Variants in MEOX1 observed in about 807,000 individuals in gnomAD.
MEOX1 encodes the protein mesenchyme homeobox 1, also known as homeobox protein MOX-1.
Under a neutral mutation model 23.2 loss-of-function variants are expected in MEOX1, and 17 were observed. The observed-to-expected ratio is 0.73, with a 90% CI of 0.50 to 1.10. The LOEUF (loss-of-function observed/expected upper bound fraction) is 1.10, where lower values mean the gene tolerates loss of function less well. MEOX1 is among the 50% of genes least tolerant of loss of function. The pLI is 0.00. For synonymous variants in MEOX1, 134 were observed against 135.1 expected, an observed-to-expected ratio of 0.99 and a Z score of 0.06; for missense variants, 333 against 332.2, an observed-to-expected ratio of 1.00 and a Z score of -0.02.
chr17:43,657,014 C>CTT (rs1491325573), intron 1 of MEOX1, among the ~76,000 whole-genome samples: 2 of 100,744 alleles, frequency 2.0e-5, no homozygotes, highest in African/African-American at 4.0e-5. Flanking sequence ...CTTTCTTTCT[C>CTT]TTTCTTTCTT....
intron 1 of MEOX1, among the ~76,000 whole-genome samples, chr17:43,652,106 G>A (rs936878579): frequency 1.3e-5 from 2 of 152,144 alleles, no homozygotes; most frequent in African/African-American, 2.4e-5. Context: ...TCAGGAGGCC[G>A]GGGATGCCCA....
intron 1 of MEOX1, among the ~76,000 whole-genome samples, chr17:43,660,094 ACAGGGCAGCACGGGCAGGAGGC>A (rs1020254830): frequency 1.3e-5 from 2 of 152,196 alleles, no homozygotes; most frequent in African/African-American, 4.8e-5. Context: ...CAGGAGGAAA[ACAGGGCAGCACGGGCAGGAGGC>A]TTGGTCACTG....
chr17:43,661,688 C>A lies in MEOX1; in HGVS notation c.-154G>T. The A allele has an allele frequency of 1.9e-6, 1 of 537,330 alleles. No individual in the cohort carries two copies. The highest frequency in any genetic ancestry group is 3.2e-6 in the Non-Finnish European group (1 of 313,976). The allele number at this position is 537,330 out of a possible 1,614,324, so 33.3% of individuals were successfully genotyped here. Reference sequence around the variant, plus strand: ...CCAGGAACCAAAAAAAAAAAAAAACCCAAAACTAAAGTCTCTCCTTAAAGT... The same window carrying A: ...CCAGGAACCAAAAAAAAAAAAAAACACAAAACTAAAGTCTCTCCTTAAAGT... On this transcript the variant is annotated 5_prime_UTR_variant, in exon 1 of 3. Transcript: ENST00000318579.
At chr17:43,642,121 C>T in intron 2 of MEOX1, 89 bp from the exon 3 acceptor site, 5 of 1,393,088 alleles carry the variant, frequency 3.6e-6, no homozygotes, top group South Asian at 1.4e-5. Flanking sequence ...GGGTGTAACT[C>T]CAGGGACCCC....
At chr17:43,657,059 C>CT (rs1567748423) in intron 1 of MEOX1, among the ~76,000 whole-genome samples, 43 of 48,388 alleles carry the variant, frequency 8.9e-4, no homozygotes, top group South Asian at 2.5e-3. Flanking sequence ...TCTTTCTTTC[C>CT]TTCCTTCCTT....
At chr17:43,654,644 G>A (rs1286693621) in intron 1 of MEOX1, among the ~76,000 whole-genome samples, 1 of 152,112 alleles carries the variant, frequency 6.6e-6, no homozygotes. Flanking sequence ...AACATAGCGA[G>A]ACCCCTGTCT....
chr17:43,661,623 A>C lies in MEOX1; in HGVS notation c.-89T>G. ...ATTTTTAAAAATGCAAAAGAAAAAAAACTAAATAGGAGGGAAAAATGTTCA... is the reference window on the plus strand; with the variant it reads ...ATTTTTAAAAATGCAAAAGAAAAAACACTAAATAGGAGGGAAAAATGTTCA... On this transcript the variant is annotated 5_prime_UTR_variant, in exon 1 of 3. Transcript: ENST00000318579. The C allele has an allele frequency of 1.2e-6, 1 of 834,786 alleles. No homozygotes were observed. Among genetic ancestry groups the C allele is most frequent in the Non-Finnish European group, 1.7e-6 (1 of 590,162 alleles). The allele number at this position is 834,786 out of a possible 1,614,324, so 51.7% of individuals were successfully genotyped here.
At chr17:43,644,176 G>A (rs899965445) in intron 1 of MEOX1, among the ~76,000 whole-genome samples, 1 of 152,170 alleles carries the variant, frequency 6.6e-6, no homozygotes, top group Non-Finnish European at 1.5e-5. Context: ...CTCCAGATGC[G>A]TCTGGTGCAC....
At chr17:43,654,657 A>G (rs1972980552) in intron 1 of MEOX1, among the ~76,000 whole-genome samples, 1 of 152,224 alleles carries the variant, frequency 6.6e-6, no homozygotes, top group Non-Finnish European at 1.5e-5. Context: ...CCCTGTCTCT[A>G]TATTTTATTC....
intron 1 of MEOX1, among the ~76,000 whole-genome samples, chr17:43,646,681 A>G (rs1164399286): frequency 1.3e-5 from 2 of 152,228 alleles, no homozygotes; most frequent in Non-Finnish European, 2.9e-5. Context: ...ACATGCTATT[A>G]AAATCTAAAA....
intron 2 of MEOX1, 94 bp from the exon 3 acceptor site, chr17:43,642,126 G>T: frequency 7.2e-7 from 1 of 1,386,564 alleles, no homozygotes; most frequent in Non-Finnish European, 9.8e-7. Context: ...TAACTCCAGG[G>T]ACCCCAGCTT....
Position 43,661,222 on chromosome 17 carries a change from G to T in MEOX1, c.313C>A (p.Pro105Thr). 1.2e-6 allele frequency: 2 copies of T among 1,609,510 alleles called. No individual in the cohort carries two copies. Among genetic ancestry groups the T allele is most frequent in the East Asian group, 2.2e-5 (1 of 44,824 alleles). Residue 105 changes from proline to threonine, a missense_variant, in exon 1 of 3, where the codon CCC becomes ACC. Physicochemically the swap from Pro to Thr is conservative, Grantham distance 38. Transcript: ENST00000318579. The part of the protein sequence containing the change: ...HFPVSDARRR[P>T]NSGPAGGSKE... ...GAACCCCCTGCCGGGCCTGAGTTGGGCCTGCGCCGGGCGTCTGAGACAGGG... is the reference window on the plus strand; with the variant it reads ...GAACCCCCTGCCGGGCCTGAGTTGGTCCTGCGCCGGGCGTCTGAGACAGGG...
chr17:43,648,641 T>A (rs1972855515), intron 1 of MEOX1, among the ~76,000 whole-genome samples: 1 of 151,858 alleles, frequency 6.6e-6, no homozygotes, highest in African/African-American at 2.4e-5. Context: ...GGAGCTGGTG[T>A]CAGAATTCCT....
At position 43,643,578 on chromosome 17, in the gene MEOX1, T is replaced by C; in HGVS notation, c.552A>G (p.Arg184=). The C allele has an allele frequency of 6.2e-7, 1 of 1,612,984 alleles. No homozygotes were observed. The highest frequency in any genetic ancestry group is 8.5e-7 in the Non-Finnish European group (1 of 1,179,708). The change falls in exon 2 of 3, where the codon CGA becomes CGG. Residue 184 remains arginine, a synonymous_variant. Coordinates refer to ENST00000318579, the MANE Select transcript of MEOX1 (RefSeq NM_004527.4). ...ERTAFTKEQL[R]ELEAEFAHHN... is the part of the protein sequence containing the mutation. ...GATGGGCAAACTCTGCCTCCAGCTCTCGCAGCTGCTCCTTGGTGAAGGCCG... is the reference window on the plus strand; with the variant it reads ...GATGGGCAAACTCTGCCTCCAGCTCCCGCAGCTGCTCCTTGGTGAAGGCCG...
Position 43,643,737 on chromosome 17 carries a change from T to G in MEOX1, c.470-77A>C, listed in dbSNP as rs914543697. ...TCCCTTTCTTTTGCCCTTGAGCAAC[T>G]AGGCAGTCTTTACCAGTCTCCCTTA... On this transcript the variant is annotated intron_variant, in intron 1 of 2. Coordinates refer to ENST00000318579, the MANE Select transcript of MEOX1 (RefSeq NM_004527.4). 4 of 1,191,674 alleles carry G rather than the reference T, an allele frequency of 3.4e-6. No individual in the cohort carries two copies. The South Asian group carries it at 6.1e-5, about 18-fold the overall frequency. The allele number at this position is 1,191,674 out of a possible 1,614,324, so 73.8% of individuals were successfully genotyped here.
At position 43,661,539 on chromosome 17, in the gene MEOX1, T is replaced by C; in HGVS notation, c.-5A>G. 3 of 1,534,824 alleles carry C rather than the reference T, an allele frequency of 2.0e-6. No individual in the cohort carries two copies. Among genetic ancestry groups the C allele is most frequent in the Non-Finnish European group, 2.6e-6 (3 of 1,138,038 alleles). On this transcript the variant is annotated 5_prime_UTR_variant, in exon 1 of 3. Transcript: ENST00000318579. ...GCTGCTGGCCGCGGGATCCATCTGC[T>C]GTCCGCTGCACGCCTCGGTCCTTTC... is the stretch of plus-strand genomic sequence containing the variant.
chr17:43,642,423 T>C (rs568024711), intron 2 of MEOX1, among the ~76,000 whole-genome samples: 2 of 152,254 alleles, frequency 1.3e-5, no homozygotes, highest in East Asian at 3.9e-4. Context: ...TTTAGATAGC[T>C]CTGGTAAGCA....
intron 1 of MEOX1, among the ~76,000 whole-genome samples, chr17:43,648,154 G>A (rs1399956887): frequency 1.3e-5 from 2 of 152,234 alleles, no homozygotes; most frequent in African/African-American, 4.8e-5. Context: ...CACAGTTCCT[G>A]TGCACCCTGC....
chr17:43,661,501 G>T lies in MEOX1; in HGVS notation c.34C>A (p.Leu12Ile). 1.3e-6 allele frequency: 2 copies of T among 1,592,062 alleles called. No homozygotes were observed. Among genetic ancestry groups the T allele is most frequent in the South Asian group, 2.3e-5 (2 of 88,630 alleles). The change falls in exon 1 of 3, where the codon CTC (leucine) becomes ATC (isoleucine). Residue 12 changes from leucine to isoleucine, a missense_variant. Transcript: ENST00000318579. Reference sequence around the variant, plus strand: ...CCCCAGACAGGGGCTGGGGGCTGGAGGCTCCTCATGCAGCTGCTGGCCGCG... The same window carrying T: ...CCCCAGACAGGGGCTGGGGGCTGGATGCTCCTCATGCAGCTGCTGGCCGCG... ...DPAASSCMRS[L>I]QPPAPVWGCL...
Sources: allele counts gnomAD v4.1 joint callset (sites outside exome capture counted in the v4.1 genomes callset), GRCh38; gene constraint gnomAD v4.1.1; transcripts MANE v1.5; gene names NCBI Gene and HGNC (gene_info 2026-07-23, HGNC 2026-07-21).